SYVN1: variants seen among roughly 807,000 people sequenced by gnomAD.
The protein encoded by SYVN1 is E3 ubiquitin-protein ligase synoviolin.
In SYVN1, 17 loss-of-function variants were observed where a neutral mutation model predicts 62.6. The ratio of observed to expected loss-of-function variants is 0.27; its 90% CI spans 0.19 to 0.41. SYVN1 has a LOEUF of 0.41. Among genes scored for constraint, SYVN1 ranks in the 10% least tolerant of loss-of-function variants. The pLI is 1.00. For synonymous variants in SYVN1, 316 were observed against 304.0 expected, an observed-to-expected ratio of 1.04 and a Z score of -0.41; for missense variants, 634 against 818.0, an observed-to-expected ratio of 0.78 and a Z score of 2.74.
At chr11:65,132,377 G>GT in intron 5 of SYVN1, 26 bp from the exon 6 acceptor site, 1 of 1,542,516 alleles carries the variant, frequency 6.5e-7, no homozygotes, top group Non-Finnish European at 9.0e-7. Flanking sequence ...CACATGCAGG[G>GT]TGGGGGGGTC....
chr11:65,132,738 T>C lies in SYVN1; in HGVS notation c.421A>G (p.Ile141Val). The C allele has an allele frequency of 6.2e-7, 1 of 1,613,992 alleles. No homozygotes were observed. The highest frequency in any genetic ancestry group is 1.3e-5 in the African/African-American group (1 of 74,954). Residue 141 changes from isoleucine (I) to valine (V), a missense_variant, in exon 5 of 16, where the codon ATT becomes GTT. By Grantham distance (29) the Ile-to-Val change is conservative. Coordinates refer to ENST00000377190, the MANE Select transcript of SYVN1 (RefSeq NM_172230.3). Reference sequence around the variant, plus strand: ...TCCCCTGAATCTCACTCACAGACAATGCGGCAGTGAAAGAGCCAGGAGATG... The same window carrying C: ...TCCCCTGAATCTCACTCACAGACAACGCGGCAGTGAAAGAGCCAGGAGATG... The part of the protein sequence containing the change: ...PNISWLFHCR[I>V]VSLMFLLGIL...
At position 65,131,566 on chromosome 11, in the gene SYVN1, T is replaced by C; in HGVS notation, c.562A>G (p.Ile188Val). The change falls in exon 7 of 16, where the codon ATC becomes GTC. Residue 188 changes from isoleucine (I) to valine (V), a missense_variant. Coordinates refer to ENST00000377190, the MANE Select transcript of SYVN1 (RefSeq NM_172230.3). ...GAGTGCAGCACATACTTGATGAAGATGGTGAGCACCATCGTCATCAGGATG... is the reference window on the plus strand; with the variant it reads ...GAGTGCAGCACATACTTGATGAAGACGGTGAGCACCATCGTCATCAGGATG... ...YAILMTMVLT[I>V]FIKYVLHSVD... 2 of 1,613,878 alleles carry C rather than the reference T, an allele frequency of 1.2e-6. No homozygotes were observed. The highest frequency in any genetic ancestry group is 2.2e-5 in the East Asian group (1 of 44,868).
In SYVN1 at chr11:65,131,382, A is replaced by T; in HGVS notation, c.659-9T>A. ...CAGAACCTTGATGAAGCCTGAGGGG[A>T]GGGGATGCAGAAAGCAGCAGGTCAC... On this transcript the variant is annotated splice_polypyrimidine_tract_variant and intron_variant, in intron 7 of 15. Coordinates refer to ENST00000377190, the MANE Select transcript of SYVN1 (RefSeq NM_172230.3). 1 of 1,613,754 alleles carries T rather than the reference A, an allele frequency of 6.2e-7. No homozygotes were observed. Among genetic ancestry groups the T allele is most frequent in the Non-Finnish European group, 8.5e-7 (1 of 1,179,810 alleles).
intron 5 of SYVN1, 80 bp downstream of exon 5, chr11:65,132,652 G>A: frequency 2.8e-6 from 4 of 1,438,612 alleles, no homozygotes; most frequent in East Asian, 2.3e-5. Context: ...GTACAGCTGT[G>A]GGGGGTAGCC....
chr11:65,134,080 T>G (rs1024623038), intron 1 of SYVN1, among the ~76,000 whole-genome samples: 11 of 152,144 alleles, frequency 7.2e-5, no homozygotes, highest in African/African-American at 2.4e-4. Context: ...ACAGCTGTGT[T>G]AGGGTGGGCA....
Position 65,128,300 on chromosome 11 carries a change from A to T in SYVN1, c.*82T>A. The T allele has an allele frequency of 8.7e-7, 1 of 1,150,960 alleles. No homozygotes were observed. The highest frequency in any genetic ancestry group is 1.3e-6 in the Non-Finnish European group (1 of 791,242). The allele number at this position is 1,150,960 out of a possible 1,614,324, so 71.3% of individuals were successfully genotyped here. A position where few individuals can be genotyped will look rare whatever the true frequency, so the allele number is the denominator to read the frequency against. On this transcript the variant is annotated 3_prime_UTR_variant, in exon 16 of 16. Transcript: ENST00000377190. ...GTACTACTCCCTGGTGCAGACAGAG[A>T]GGGAGCTGGCACTTGGTGGCAGGAC...
Position 65,131,097 on chromosome 11 carries a change from G to A in SYVN1, c.824+35C>T, listed in dbSNP as rs149638608. The A allele has an allele frequency of 1.8e-4, 289 of 1,614,022 alleles. No homozygotes were observed. In the African/African-American group the frequency reaches 3.3e-3, roughly 18 times the overall value. ...GCTGGAAGCAGAGGGACCCAGGACC[G>A]AGCTTGGGACAGCAGCCATGACAAG... is the stretch of plus-strand genomic sequence containing the variant. On this transcript the variant is annotated intron_variant, in intron 9 of 15. Transcript: ENST00000377190.
rs769943797 is a variant in SYVN1, at chr11:65,130,727, C to T, written c.1038G>A (p.Pro346=). The change falls in exon 11 of 16, where the codon CCG becomes CCA. Residue 346 remains proline (P), a synonymous_variant. Transcript: ENST00000377190. ...GGGGTGGCCCCTGATCCGCAGGCTC[C>T]GGGGGTGGTGGTGACTGCGCTGGCA... The part of the protein sequence containing the change: ...ASLPAQSPPP[P]EPADQGPPPA... The T allele has an allele frequency of 7.2e-6, 11 of 1,522,598 alleles. No individual in the cohort carries two copies. Among genetic ancestry groups the T allele is most frequent in the South Asian group, 5.2e-5 (4 of 76,592 alleles). The allele number at this position is 1,522,598 out of a possible 1,614,324, so 94.3% of individuals were successfully genotyped here. A position where few individuals can be genotyped will look rare whatever the true frequency, so the allele number is the denominator to read the frequency against.
At position 65,133,007 on chromosome 11, in the gene SYVN1, T is replaced by A. The variant is rs1257496131; in HGVS notation, c.293A>T (p.Asp98Val). Reference sequence around the variant, plus strand: ...GAGTGCAACAAAGCGGGGGCTGAAGTCATCCCGAAAAACGGTGAAGGCCAG... The same window carrying A: ...GAGTGCAACAAAGCGGGGGCTGAAGACATCCCGAAAAACGGTGAAGGCCAG... Reference protein sequence around the residue: ...TCLAFTVFRDDFSPRFVALFT... With the variant: ...TCLAFTVFRDVFSPRFVALFT... The change falls in exon 4 of 16, where the codon GAC becomes GTC. Residue 98 changes from aspartate to valine, a missense_variant. By Grantham distance (152) the Asp-to-Val change is radical (BLOSUM62 -3). Transcript: ENST00000377190. 1 of 1,613,988 alleles carries A rather than the reference T, an allele frequency of 6.2e-7. No individual in the cohort carries two copies. The highest frequency in any genetic ancestry group is 8.5e-7 in the Non-Finnish European group (1 of 1,180,024).
At position 65,130,827 on chromosome 11, in the gene SYVN1, C is replaced by T. The variant is rs189477035; in HGVS notation, c.942-4G>A. 1,149 of 1,571,494 alleles carry T rather than the reference C, an allele frequency of 7.3e-4. 8 individuals carry two copies. In the African/African-American group the frequency reaches 0.013, roughly 18 times the overall value. On this transcript the variant is annotated splice_region_variant and splice_polypyrimidine_tract_variant and intron_variant, in intron 10 of 15. Transcript: ENST00000377190. ...CTGGAACCAGGAGCGCAGGCAGCTG[C>T]GGGTCAAGGCCAGGCAGAGGTCAGC...
At position 65,131,456 on chromosome 11, in the gene SYVN1, C is replaced by T. The variant is rs1289309114; in HGVS notation, c.658+14G>A. 1 of 1,614,072 alleles carries T rather than the reference C, an allele frequency of 6.2e-7. No homozygotes were observed. The highest frequency in any genetic ancestry group is 1.7e-5 in the Admixed American group (1 of 60,020). ...ATGCTGGTCCAGATCAGGAGAGGCC[C>T]AGGCCCCTCTCACCTGTAAACAGCT... On this transcript the variant is annotated intron_variant, in intron 7 of 15. Coordinates refer to ENST00000377190, the MANE Select transcript of SYVN1 (RefSeq NM_172230.3).
Position 65,131,053 on chromosome 11 carries a change from G to A in SYVN1, c.825-17C>T. ...TCTGGATACCTGGTTAGGATGACAG[G>A]GGCTGTATCAGGTCCAGAGCTGGAA... On this transcript the variant is annotated splice_polypyrimidine_tract_variant and intron_variant, in intron 9 of 15. Coordinates refer to ENST00000377190, the MANE Select transcript of SYVN1 (RefSeq NM_172230.3). 1 of 1,613,796 alleles carries A rather than the reference G, an allele frequency of 6.2e-7. No individual in the cohort carries two copies. Among genetic ancestry groups the A allele is most frequent in the African/African-American group, 1.3e-5 (1 of 75,052 alleles).
In SYVN1 at chr11:65,128,615, C is replaced by A. The variant is rs773552759; in HGVS notation, c.1695G>T (p.Thr565=). The A allele has an allele frequency of 6.2e-7, 1 of 1,613,970 alleles. No individual in the cohort carries two copies. Among genetic ancestry groups the A allele is most frequent in the Non-Finnish European group, 8.5e-7 (1 of 1,179,988 alleles). ...GTGGGGAGGCTCCTGGGGTTGGGGT[C>A]GTGGCCTCTGAGCTAGGGATGCTGG... is the stretch of plus-strand genomic sequence containing the variant. ...SSTSIPSSEA[T]TPTPGASPPA... is the part of the protein sequence containing the mutation. The change falls in exon 15 of 16, where the codon ACG becomes ACT. Residue 565 remains threonine (T), a synonymous_variant. Transcript: ENST00000377190.
chr11:65,130,253 G>T lies in SYVN1; in HGVS notation c.1232C>A (p.Ala411Glu), dbSNP rs750563750. 3.1e-6 allele frequency: 5 copies of T among 1,605,632 alleles called. 1 individual carries two copies. Among genetic ancestry groups the T allele is most frequent in the Non-Finnish European group, 4.3e-6 (5 of 1,176,056 alleles). Reference sequence around the variant, plus strand: ...TGTCACAGTACCCAAAGGCTCACCTGCACTGGTGGATGGAGGAGCCACAGC... The same window carrying T: ...TGTCACAGTACCCAAAGGCTCACCTTCACTGGTGGATGGAGGAGCCACAGC... ...GEAVAPPSTS[A>E]AALSRPSGAA... is the part of the protein sequence containing the mutation. The change falls in exon 12 of 16, where the codon GCA (alanine) becomes GAA (glutamate). Residue 411 changes from alanine to glutamate, a missense_variant and splice_region_variant. Ala to Glu is a moderately radical substitution (Grantham distance 107). Around this residue, in one of 2 missense-constraint regions of SYVN1, gnomAD observed 351 missense variants for 373.3 expected, o/e 0.94. Transcript: ENST00000377190.
Position 65,128,378 on chromosome 11 carries a change from A to C in SYVN1, c.*4T>G, listed in dbSNP as rs377016033. 10 of 1,610,440 alleles carry C rather than the reference A, an allele frequency of 6.2e-6. No homozygotes were observed. Among genetic ancestry groups the C allele is most frequent in the Non-Finnish European group, 8.5e-6 (10 of 1,178,514 alleles). ...GCAGAGGCTGGGGCTGGGCTGGGGC[A>C]GTGTCAGTGGGCAACAGGAGACTCC... On this transcript the variant is annotated 3_prime_UTR_variant, in exon 16 of 16. Coordinates refer to ENST00000377190, the MANE Select transcript of SYVN1 (RefSeq NM_172230.3).
At chr11:65,130,878 G>A in intron 10 of SYVN1, 42 bp downstream of exon 10, 2 of 1,611,926 alleles carry the variant, frequency 1.2e-6, no homozygotes, top group Non-Finnish European at 1.7e-6. Context: ...TGCCTTCTGG[G>A]GCCTGTGCCC....
intron 14 of SYVN1, chr11:65,128,992 C>T (rs1030817423): frequency 4.7e-6 from 2 of 424,194 alleles, no homozygotes; most frequent in South Asian, 3.5e-5. Context: ...GAGTCAGGCA[C>T]CTTATAGGGG....
intron 13 of SYVN1, 38 bp downstream of exon 13, chr11:65,129,964 T>A (rs1453918329): frequency 5.6e-6 from 9 of 1,601,196 alleles, no homozygotes; most frequent in Non-Finnish European, 6.8e-6. Context: ...GACACCAACC[T>A]CACCCCCAAG....
At chr11:65,133,275 G>A (rs1263783251) in intron 2 of SYVN1, 23 bp from the exon 3 acceptor site, 1 of 1,612,678 alleles carries the variant, frequency 6.2e-7, no homozygotes, top group South Asian at 1.1e-5. Flanking sequence ...AGAGGCTGTG[G>A]TTTGAGGTCA....
Sources: gnomAD v4.1 joint callset for allele counts (sites outside exome capture counted in the v4.1 genomes callset) on GRCh38, gnomAD v4.1.1 for gene constraint, gnomAD v4.1.1 regional missense constraint, MANE v1.5 for transcripts, NCBI Gene and HGNC (gene_info 2026-07-23, HGNC 2026-07-21) for gene names.